Variants in HDAC9 observed in about 807,000 individuals in gnomAD.
The protein encoded by HDAC9 is histone deacetylase 9.
A neutral mutation model predicts 139.4 loss-of-function variants in HDAC9; 41 were observed. The observed-to-expected ratio is 0.29, with a 90% CI of 0.23 to 0.38. HDAC9 has a LOEUF of 0.38. Ranked by LOEUF, HDAC9 falls within the 10% of genes least tolerant of loss-of-function variation. The pLI, the probability that HDAC9 is intolerant of heterozygous loss-of-function variation, is 1.00. For missense variants in HDAC9, 1,147 were observed against 1,297.0 expected (o/e 0.88, Z 1.78); for synonymous variants, 517 against 476.2 (o/e 1.09, Z -1.12).
In HDAC9 at chr7:18,778,867, G is replaced by A. The variant is rs182111864; in HGVS notation, c.2214+11712G>A. Among the ~76,000 whole-genome samples, 234 of 152,182 alleles carry A rather than the reference G, an allele frequency of 1.5e-3. 1 individual carries two copies. The highest frequency in any genetic ancestry group is 1.3e-3 in the Non-Finnish European group (86 of 67,964). On this transcript the variant is annotated intron_variant, in intron 16 of 25. Coordinates refer to ENST00000686413, the MANE Select transcript of HDAC9 (RefSeq NM_178425.4). ...TGAAGATAAAGAGTGACTAGAAATT[G>A]CACATGCAAGGTCAATGGAGCTGCC...
At chr7:18,552,150 T>C (rs113658141) in intron 2 of HDAC9, among the ~76,000 whole-genome samples, 33 of 152,334 alleles carry the variant, frequency 2.2e-4, no homozygotes, top group African/African-American at 7.0e-4. Context: ...CTTACACTCT[T>C]ATTGAATTTG....
intron 2 of HDAC9, 28 bp from the exon 3 acceptor site, chr7:18,585,253 C>A: frequency 6.2e-7 from 1 of 1,609,098 alleles, no homozygotes. Context: ...CTCCCCCACC[C>A]CATTTCCCTT....
At chr7:18,225,610 T>TG (rs1274816153) in intron 2 of HDAC9, among the ~76,000 whole-genome samples, 2 of 152,190 alleles carry the variant, frequency 1.3e-5, no homozygotes, top group African/African-American at 2.4e-5. Context: ...ACATGGAATC[T>TG]TAAATATAAT....
At chr7:18,315,870 G>A (rs1799604036) in intron 1 of HDAC9, among the ~76,000 whole-genome samples, 1 of 152,192 alleles carries the variant, frequency 6.6e-6, no homozygotes, top group Non-Finnish European at 1.5e-5. Flanking sequence ...ACTGAAGAGA[G>A]TCCTTTAGAG....
intron 2 of HDAC9, among the ~76,000 whole-genome samples, chr7:18,276,925 T>A (rs1223184889): frequency 1.3e-5 from 2 of 152,192 alleles, no homozygotes; most frequent in African/African-American, 4.8e-5. Context: ...TTTCTCTTTT[T>A]ATCCTTATCA....
chr7:18,929,133 G>A (rs752134386), intron 22 of HDAC9, among the ~76,000 whole-genome samples: 7 of 151,942 alleles, frequency 4.6e-5, no homozygotes, highest in East Asian at 1.9e-4. Flanking sequence ...TATTAAATAC[G>A]TATATAAGGC....
chr7:18,731,309 A>C (rs1212769418), intron 13 of HDAC9, among the ~76,000 whole-genome samples: 1 of 152,130 alleles, frequency 6.6e-6, no homozygotes, highest in African/African-American at 2.4e-5. Context: ...ACTAAATAGC[A>C]AGGTAGCGGA....
intron 2 of HDAC9, among the ~76,000 whole-genome samples, chr7:18,508,358 A>G (rs1215793585): frequency 6.6e-6 from 1 of 152,234 alleles, no homozygotes; most frequent in Non-Finnish European, 1.5e-5. Context: ...CACAGTTAAA[A>G]TAGATTAGGA....
At chr7:18,178,309 T>C (rs1169765579) in intron 2 of HDAC9, among the ~76,000 whole-genome samples, 3 of 152,254 alleles carry the variant, frequency 2.0e-5, no homozygotes, top group Non-Finnish European at 4.4e-5. Flanking sequence ...TGTCTCGAAC[T>C]TCTGACCTCA....
intron 1 of HDAC9, among the ~76,000 whole-genome samples, chr7:18,397,246 T>A (rs1774663602): frequency 6.6e-6 from 1 of 152,096 alleles, no homozygotes; most frequent in African/African-American, 2.4e-5. Flanking sequence ...TAGTTTTTGT[T>A]TTTCAAAGAA....
chr7:18,527,318 C>G (rs192978349), intron 2 of HDAC9, among the ~76,000 whole-genome samples: 2 of 152,246 alleles, frequency 1.3e-5, no homozygotes, highest in African/African-American at 4.8e-5. Flanking sequence ...TGAATGATCT[C>G]AATTTTACCT....
chr7:18,282,662 A>C (rs940502605), intron 2 of HDAC9, among the ~76,000 whole-genome samples: 2 of 152,136 alleles, frequency 1.3e-5, no homozygotes, highest in African/African-American at 4.8e-5. Flanking sequence ...CCATGAGGCA[A>C]AAGGATGTTG....
At chr7:18,312,181 T>C (rs1238295256) in intron 1 of HDAC9, among the ~76,000 whole-genome samples, 1 of 152,178 alleles carries the variant, frequency 6.6e-6, no homozygotes, top group Non-Finnish European at 1.5e-5. Flanking sequence ...TTAAATGTGA[T>C]TTAAAAATAT....
chr7:18,303,003 TTG>T (rs1798643353), intron 1 of HDAC9, among the ~76,000 whole-genome samples: 1 of 152,038 alleles, frequency 6.6e-6, no homozygotes, highest in African/African-American at 2.4e-5. Flanking sequence ...TGTTTGTCAA[TTG>T]TTTTTTTTTA....
intron 2 of HDAC9, among the ~76,000 whole-genome samples, chr7:18,539,370 A>C (rs1400011718): frequency 6.6e-6 from 1 of 152,234 alleles, no homozygotes; most frequent in Admixed American, 6.5e-5. Context: ...CATGTAGGTC[A>C]TGAAAAACAA....
chr7:18,855,047 G>C (rs777348041), intron 21 of HDAC9, among the ~76,000 whole-genome samples: 4 of 152,076 alleles, frequency 2.6e-5, no homozygotes, highest in Non-Finnish European at 4.4e-5. Flanking sequence ...AGTGATTGGC[G>C]TCAGATTTCA....
In HDAC9 at chr7:18,395,600, G is replaced by A. The variant is rs1386600247; in HGVS notation, c.-41-100662G>A. ...GGGAAGGAGAGAATTCTTTGTTAGAGTATTCTCAAGTTTGATTATTTTTTC... is the reference window on the plus strand; with the variant it reads ...GGGAAGGAGAGAATTCTTTGTTAGAATATTCTCAAGTTTGATTATTTTTTC... On this transcript the variant is annotated intron_variant, in intron 1 of 3. Transcript: ENST00000413509. 2.0e-5 allele frequency among the ~76,000 whole-genome samples: 3 copies of A among 150,294 alleles called. No homozygotes were observed. The South Asian group carries it at 6.3e-4, about 31-fold the overall frequency.
At chr7:18,832,785 G>A (rs1169820315) in intron 19 of HDAC9, among the ~76,000 whole-genome samples, 3 of 151,726 alleles carry the variant, frequency 2.0e-5, no homozygotes, top group African/African-American at 4.8e-5. Context: ...GCCCAGGCTG[G>A]AGTGCAATGG....
At chr7:18,093,450 G>T (rs1010933156) in intron 1 of HDAC9, among the ~76,000 whole-genome samples, 3 of 152,204 alleles carry the variant, frequency 2.0e-5, no homozygotes, top group African/African-American at 7.2e-5. Flanking sequence ...ACTGGATACT[G>T]CAAGATGAGG....
Sources: allele counts gnomAD v4.1 joint callset (sites outside exome capture counted in the v4.1 genomes callset), GRCh38; gene constraint gnomAD v4.1.1; transcripts MANE v1.5; gene names NCBI Gene and HGNC (gene_info 2026-07-23, HGNC 2026-07-21).